SUSD4: variants seen among roughly 807,000 people sequenced by gnomAD.
The protein encoded by SUSD4 is sushi domain containing 4.
In SUSD4, 41 loss-of-function variants were observed where a neutral mutation model predicts 50.5. The observed-to-expected ratio is 0.81, with a 90% CI of 0.63 to 1.05. The LOEUF (loss-of-function observed/expected upper bound fraction) is 1.05. SUSD4 is among the 50% of genes least tolerant of loss of function. SUSD4 has a pLI of 0.00. For synonymous variants in SUSD4, 257 were observed against 257.3 expected (o/e 1.00, Z 0.01); for missense variants, 580 against 634.7 (o/e 0.91, Z 0.93).
intron 5 of SUSD4, among the ~76,000 whole-genome samples, chr1:223,254,279 A>C (rs1441909453): frequency 6.6e-6 from 1 of 152,144 alleles, no homozygotes; most frequent in Non-Finnish European, 1.5e-5. Context: ...AGGTAGTTCA[A>C]ACCAATGAAG....
rs116421327 is a variant in SUSD4, at chr1:223,317,213, C to T, written c.149-24562G>A. On this transcript the variant is annotated intron_variant, in intron 2 of 8. Coordinates refer to ENST00000366878, the MANE Select transcript of SUSD4 (RefSeq NM_017982.4). ...CTAAAACCCACCAAAACCAAGATGA[C>T]GACAAGAGTGGTCTCTGGTCATCCT... Among the ~76,000 whole-genome samples, 984 of 152,266 alleles carry T rather than the reference C, an allele frequency of 6.5e-3. 6 individuals are homozygous for T. Among genetic ancestry groups the T allele is most frequent in the Admixed American group, 0.013 (206 of 15,300 alleles).
chr1:223,232,597 T>C (rs1455266841), intron 5 of SUSD4, among the ~76,000 whole-genome samples: 2 of 152,222 alleles, frequency 1.3e-5, no homozygotes, highest in Non-Finnish European at 1.5e-5. Flanking sequence ...TTTTTCTCAC[T>C]GGGCCTGAAA....
intron 2 of SUSD4, among the ~76,000 whole-genome samples, chr1:223,346,078 GC>G (rs1668015571): frequency 6.6e-6 from 1 of 152,122 alleles, no homozygotes; most frequent in Non-Finnish European, 1.5e-5. Context: ...CGTTGTAGAG[GC>G]CGTCCTGTGC....
intron 3 of SUSD4, among the ~76,000 whole-genome samples, chr1:223,281,372 T>C (rs1663714178): frequency 6.6e-6 from 1 of 151,088 alleles, no homozygotes; most frequent in Admixed American, 6.6e-5. Flanking sequence ...GAGAGAAGAA[T>C]CAAATAGACA....
chr1:223,233,663 A>T (rs1335381274), intron 5 of SUSD4, among the ~76,000 whole-genome samples: 6 of 152,130 alleles, frequency 3.9e-5, no homozygotes, highest in Admixed American at 2.6e-4. Flanking sequence ...TGTTCCTAGA[A>T]ATTCCGGTGA....
intron 5 of SUSD4, among the ~76,000 whole-genome samples, chr1:223,232,139 A>T (rs1334400523): frequency 6.6e-6 from 1 of 152,200 alleles, no homozygotes. Flanking sequence ...AAAACCAGGG[A>T]GCAGAACAGT....
At chr1:223,263,938 C>A in intron 5 of SUSD4, 1 of 985,410 alleles carries the variant, frequency 1.0e-6, no homozygotes, top group South Asian at 4.7e-5. Flanking sequence ...TGCTGAGAAA[C>A]ACATTGGAGC....
At position 223,278,923 on chromosome 1, in the gene SUSD4, C is replaced by T. The variant is rs555685084; in HGVS notation, c.362-10248G>A. On this transcript the variant is annotated intron_variant, in intron 3 of 8. Coordinates refer to ENST00000366878, the MANE Select transcript of SUSD4 (RefSeq NM_017982.4). The stretch of plus-strand genomic sequence containing the variant: ...TTGCTGTTCAGCAATATTTGCCGTT[C>T]TGCAGCCTCCACTGCTGATACCCAG... Among the ~76,000 whole-genome samples, 20 of 152,326 alleles carry T rather than the reference C, an allele frequency of 1.3e-4. 1 individual carries two copies. In the East Asian group the frequency reaches 3.9e-3, roughly 29 times the overall value.
chr1:223,267,853 A>G (rs1202383577), intron 4 of SUSD4, among the ~76,000 whole-genome samples: 1 of 151,780 alleles, frequency 6.6e-6, no homozygotes, highest in Non-Finnish European at 1.5e-5. Context: ...ACACGTCAAA[A>G]AATAAAATCA....
At chr1:223,223,179 G>A in intron 8 of SUSD4, 70 bp downstream of exon 8, 2 of 1,494,170 alleles carry the variant, frequency 1.3e-6, no homozygotes, top group Non-Finnish European at 1.8e-6. Flanking sequence ...TGCGTAGCAA[G>A]GAGCTGGCTT....
chr1:223,280,069 A>C (rs1206406755), intron 3 of SUSD4, among the ~76,000 whole-genome samples: 1 of 152,214 alleles, frequency 6.6e-6, no homozygotes, highest in Non-Finnish European at 1.5e-5. Context: ...CCTGCCCTAC[A>C]AGAGCTCCTG....
intron 2 of SUSD4, among the ~76,000 whole-genome samples, chr1:223,295,167 A>G (rs1664742138): frequency 6.6e-6 from 1 of 152,212 alleles, no homozygotes; most frequent in East Asian, 1.9e-4. Context: ...AAGGCAGATA[A>G]GCAAACATAG....
chr1:223,264,058 C>T, intron 5 of SUSD4: 5 of 985,462 alleles, frequency 5.1e-6, no homozygotes, highest in South Asian at 4.7e-5. Flanking sequence ...CAGACACTGC[C>T]TTGACTCCGC....
At chr1:223,239,509 T>A (rs775246759) in intron 5 of SUSD4, among the ~76,000 whole-genome samples, 27 of 152,158 alleles carry the variant, frequency 1.8e-4, no homozygotes, top group Non-Finnish European at 3.2e-4. Context: ...TGTCTTAGCA[T>A]ATCAGCTATA....
intron 5 of SUSD4, chr1:223,234,870 G>A (rs1012986302): frequency 1.4e-6 from 2 of 1,463,476 alleles, no homozygotes; most frequent in East Asian, 5.0e-5. Flanking sequence ...GCACTAACAG[G>A]TGTGCAGATC....
chr1:223,319,696 GCTT>G (rs1666455215), intron 2 of SUSD4, among the ~76,000 whole-genome samples: 1 of 152,210 alleles, frequency 6.6e-6, no homozygotes, highest in Admixed American at 6.5e-5. Flanking sequence ...AATAGGACCA[GCTT>G]CTTTTCTGGG....
chr1:223,261,739 G>A lies in SUSD4; in HGVS notation c.724+2891C>T, dbSNP rs564043434. 6.0e-4 allele frequency among the ~76,000 whole-genome samples: 92 copies of A among 152,310 alleles called. No individual in the cohort carries two copies. The South Asian group carries it at 0.016, about 27-fold the overall frequency. ...GTACATGTCTAAAAGTCTGGAGACC[G>A]TATTCACAGAGAGTCATGCTAGGTT... On this transcript the variant is annotated intron_variant, in intron 5 of 8. Transcript: ENST00000366878.
rs1659766351 is a variant in SUSD4, at chr1:223,229,712, A to T, written c.725-324T>A. Among the ~76,000 whole-genome samples the T allele has an allele frequency of 6.6e-6, 1 of 152,270 alleles. No individual in the cohort carries two copies. The highest frequency in any genetic ancestry group is 2.1e-4 in the South Asian group (1 of 4,834). ...TACTGTATTAATAATGCATGCTATT[A>T]TGTGCCAGACAACCTAGTAAATAAA... is the stretch of plus-strand genomic sequence containing the variant. On this transcript the variant is annotated intron_variant, in intron 5 of 8. Transcript: ENST00000366878. This position sits in a 1 kb window ranked among gnomAD's most constrained non-coding sequence, Gnocchi z 4.7.
chr1:223,226,899 G>A (rs1261477477), intron 7 of SUSD4, among the ~76,000 whole-genome samples: 4 of 152,106 alleles, frequency 2.6e-5, no homozygotes, highest in Non-Finnish European at 4.4e-5. Flanking sequence ...CTCCCTCCAG[G>A]AACAATGATT....
Sources: allele counts gnomAD v4.1 joint callset (sites outside exome capture counted in the v4.1 genomes callset), GRCh38; gene constraint gnomAD v4.1.1; non-coding constraint Gnocchi (gnomAD v3.1); transcripts MANE v1.5; gene names NCBI Gene and HGNC (gene_info 2026-07-23, HGNC 2026-07-21).